MCF2L2: variants seen among roughly 807,000 people sequenced by gnomAD.
The protein encoded by MCF2L2 is probable guanine nucleotide exchange factor MCF2L2.
Under a neutral mutation model 150.2 loss-of-function variants are expected in MCF2L2, and 102 were observed. The ratio of observed to expected loss-of-function variants is 0.68; its 90% CI spans 0.58 to 0.80. MCF2L2 has a LOEUF of 0.80. MCF2L2 is among the 30% of genes least tolerant of loss of function. MCF2L2 has a pLI of 0.00. For missense variants in MCF2L2, 1,256 were observed against 1,372.8 expected (o/e 0.91, Z 1.34); for synonymous variants, 465 against 491.3 (o/e 0.95, Z 0.71).
chr3:183,349,430 AT>A (rs1731025186), intron 3 of MCF2L2, among the ~76,000 whole-genome samples: 1 of 151,820 alleles, frequency 6.6e-6, no homozygotes, highest in Non-Finnish European at 1.5e-5. Context: ...TTCCTTTGTG[AT>A]TTTTTTCTTT....
rs750743502 is a variant in MCF2L2 at position 183,289,192 on chromosome 3, A to G, written c.1704T>C (p.Ser568=). The stretch of plus-strand genomic sequence containing the variant: ...ACTCTGTCTCCGTATAAGGTTCCTC[A>G]GACGTTCTCAGAGGACGAGCTAGAG... ...SVPLARPLRT[S]EEPYTETELN... Residue 568 remains serine, a synonymous_variant, in exon 14 of 30, where the codon TCT becomes TCC. Transcript: ENST00000328913. The G allele has an allele frequency of 4.8e-5, 77 of 1,613,446 alleles. No individual in the cohort carries two copies. In the East Asian group the frequency reaches 1.6e-3, roughly 35 times the overall value.
chr3:183,198,895 C>T (rs1211240711), intron 25 of MCF2L2, among the ~76,000 whole-genome samples: 1 of 152,070 alleles, frequency 6.6e-6, no homozygotes, highest in Non-Finnish European at 1.5e-5. Context: ...TGTGTTAAGC[C>T]TCTAGGACAC....
Position 183,269,230 on chromosome 3 carries a change from C to CTTTTTTTTTTTTTTTTTTTTTT in MCF2L2, c.1862+7641_1862+7642insAAAAAAAAAAAAAAAAAAAAAA, listed in dbSNP as rs60835895. ...TACACGATTATAGCCGTTTGGGAAGCTTTTTTTTTTTTTTTTTTAAGAGTA... is the reference window on the plus strand; with the variant it reads ...TACACGATTATAGCCGTTTGGGAAGCTTTTTTTTTTTTTTTTTTTTTTTTTTTTTTTTTTTTTTTTAAGAGTA... On this transcript the variant is annotated intron_variant, in intron 15 of 29. Coordinates refer to ENST00000328913, the MANE Select transcript of MCF2L2 (RefSeq NM_015078.4). 1.3e-3 allele frequency among the ~76,000 whole-genome samples: 103 copies of CTTTTTTTTTTTTTTTTTTTTTT among 80,992 alleles called. 24 individuals are homozygous for CTTTTTTTTTTTTTTTTTTTTTT. The highest frequency in any genetic ancestry group is 4.4e-3 in the African/African-American group (69 of 15,756). 53.1% of individuals were successfully genotyped at this position (80,992 alleles called of 152,430 possible).
At chr3:183,299,855 T>G in intron 11 of MCF2L2, 150 bp downstream of exon 11, 1 of 790,370 alleles carries the variant, frequency 1.3e-6, no homozygotes, top group Non-Finnish European at 2.0e-6. Context: ...CACCCCAGGA[T>G]CTGCACAGTT....
At chr3:183,352,847 G>A (rs934664008) in intron 3 of MCF2L2, among the ~76,000 whole-genome samples, 1 of 152,184 alleles carries the variant, frequency 6.6e-6, no homozygotes, top group African/African-American at 2.4e-5. Context: ...TGTGATGATT[G>A]TATTATCATT....
chr3:183,179,128 G>C lies in MCF2L2; in HGVS notation c.*252C>G, dbSNP rs1721417802. 2.5e-6 allele frequency: 1 copy of C among 403,388 alleles called. No homozygotes were observed. The highest frequency in any genetic ancestry group is 4.3e-6 in the Non-Finnish European group (1 of 232,690). 25.0% of individuals were successfully genotyped at this position (403,388 alleles called of 1,614,324 possible). On this transcript the variant is annotated 3_prime_UTR_variant, in exon 30 of 30. Coordinates refer to ENST00000328913, the MANE Select transcript of MCF2L2 (RefSeq NM_015078.4). This position sits in a 1 kb window ranked among gnomAD's most constrained non-coding sequence, Gnocchi z 4.2. ...TCCGAATATCGAAGTGCGCGGTCGA[G>C]AAGGCGTGGGCTGCGGGCTCTGCTC...
chr3:183,427,524 C>T (rs1462046156), intron 1 of MCF2L2, among the ~76,000 whole-genome samples: 1 of 152,202 alleles, frequency 6.6e-6, no homozygotes, highest in Non-Finnish European at 1.5e-5. Flanking sequence ...AAAGCACTGG[C>T]ATTCGTTCCT....
intron 9 of MCF2L2, 86 bp downstream of exon 9, chr3:183,310,829 A>G: frequency 1.2e-6 from 1 of 848,260 alleles, no homozygotes; most frequent in Non-Finnish European, 1.9e-6. Context: ...AAAAGAGGGA[A>G]ACCCCATACC....
chr3:183,360,978 GAAAAGA>G (rs2108565114), intron 3 of MCF2L2, among the ~76,000 whole-genome samples: 1 of 105,788 alleles, frequency 9.5e-6, no homozygotes, highest in Non-Finnish European at 1.8e-5. Context: ...GAAAAGAAAA[GAAAAGA>G]AAAGAAAAGA....
rs1207518110 is a variant in MCF2L2, at chr3:183,338,867, A to C, written c.419T>G (p.Phe140Cys). The change falls in exon 5 of 30, where the codon TTT becomes TGT. Residue 140 changes from phenylalanine to cysteine, a missense_variant. By Grantham distance (205) the Phe-to-Cys change is radical. Coordinates refer to ENST00000328913, the MANE Select transcript of MCF2L2 (RefSeq NM_015078.4). ...AATGTCAGTGAATGTCCTCTGGATA[A>C]AGCGAGATGGACGAAGGATGAATAT... is the stretch of plus-strand genomic sequence containing the variant. ...QLIFILRPSR[F>C]IQRTFTDIGI... The C allele has an allele frequency of 6.2e-7, 1 of 1,608,228 alleles. No individual in the cohort carries two copies. The highest frequency in any genetic ancestry group is 8.5e-7 in the Non-Finnish European group (1 of 1,175,848).
rs1389383304 is a variant in MCF2L2 at position 183,242,589 on chromosome 3, G to A, written c.1863-11572C>T. 2.6e-5 allele frequency among the ~76,000 whole-genome samples: 4 copies of A among 152,316 alleles called. No individual in the cohort carries two copies. The South Asian group carries it at 6.2e-4, about 24-fold the overall frequency. On this transcript the variant is annotated intron_variant, in intron 15 of 29. Coordinates refer to ENST00000328913, the MANE Select transcript of MCF2L2 (RefSeq NM_015078.4). ...TGGGTTCACAGAAGTCAAGAATTGA[G>A]GTGGATGTACAGAAATGCCTGGATG...
intron 1 of MCF2L2, among the ~76,000 whole-genome samples, chr3:183,395,115 A>G (rs1406520309): frequency 2.0e-5 from 3 of 152,236 alleles, no homozygotes; most frequent in African/African-American, 7.2e-5. Context: ...CATTACAGTC[A>G]TTAAAATCTC....
At chr3:183,361,162 A>T in intron 3 of MCF2L2, among the ~76,000 whole-genome samples, 1 of 147,168 alleles carries the variant, frequency 6.8e-6, no homozygotes, top group African/African-American at 2.5e-5. Context: ...GAGCGAAGGG[A>T]AGGAAGGAAG....
At position 183,279,754 on chromosome 3, in the gene MCF2L2, G is replaced by A. The variant is rs139685870; in HGVS notation, c.1777-2797C>T. 1.7e-4 allele frequency among the ~76,000 whole-genome samples: 26 copies of A among 152,352 alleles called. No homozygotes were observed. In the East Asian group the frequency reaches 4.0e-3, roughly 24 times the overall value. On this transcript the variant is annotated intron_variant, in intron 14 of 29. Coordinates refer to ENST00000328913, the MANE Select transcript of MCF2L2 (RefSeq NM_015078.4). ...CTGTTACAAATACAACAATTGGCTGGGCATGGTGGCTCACGCCTGTAATCC... is the reference window on the plus strand; with the variant it reads ...CTGTTACAAATACAACAATTGGCTGAGCATGGTGGCTCACGCCTGTAATCC...
chr3:183,383,998 GACACGCATA>G (rs1713684770), intron 2 of MCF2L2, among the ~76,000 whole-genome samples: 1 of 152,136 alleles, frequency 6.6e-6, no homozygotes, highest in South Asian at 2.1e-4. Flanking sequence ...CTGCTCCCCA[GACACGCATA>G]ACAACAATAA....
chr3:183,221,977 C>G (rs1723165789), intron 20 of MCF2L2, among the ~76,000 whole-genome samples: 1 of 152,164 alleles, frequency 6.6e-6, no homozygotes, highest in African/African-American at 2.4e-5. Context: ...GCAGAGTACA[C>G]CGAGGCTGAA....
chr3:183,411,615 G>A (rs1715319340), intron 1 of MCF2L2, among the ~76,000 whole-genome samples: 1 of 142,658 alleles, frequency 7.0e-6, no homozygotes, highest in South Asian at 2.2e-4. Flanking sequence ...GCTACTTGAA[G>A]CTTTTTTTTT....
intron 3 of MCF2L2, among the ~76,000 whole-genome samples, chr3:183,364,294 A>T (rs963524143): frequency 6.6e-6 from 1 of 152,256 alleles, no homozygotes. Context: ...AGGCGGGCGG[A>T]TCACAAGGTC....
intron 15 of MCF2L2, among the ~76,000 whole-genome samples, chr3:183,234,432 T>C (rs894905079): frequency 6.6e-6 from 1 of 152,210 alleles, no homozygotes; most frequent in Non-Finnish European, 1.5e-5. Flanking sequence ...CTTGGTCATA[T>C]TCTGGATTAC....
Sources: gnomAD v4.1 joint callset for allele counts (sites outside exome capture counted in the v4.1 genomes callset) on GRCh38, gnomAD v4.1.1 for gene constraint, Gnocchi (gnomAD v3.1) non-coding constraint, MANE v1.5 for transcripts, NCBI Gene and HGNC (gene_info 2026-07-23, HGNC 2026-07-21) for gene names.